The following CSMD3 variants were observed in gnomAD, a reference collection of about 807,000 sequenced individuals.
The protein encoded by CSMD3 is CUB and sushi domain-containing protein 3.
Under a neutral mutation model 435.2 loss-of-function variants are expected in CSMD3, and 177 were observed. The observed-to-expected ratio is 0.41, with a 90% CI of 0.36 to 0.46. CSMD3 has a LOEUF of 0.46. Among genes scored for constraint, CSMD3 ranks in the 20% least tolerant of loss-of-function variants. The pLI, the probability that CSMD3 is intolerant of heterozygous loss-of-function variation, is 0.34. For missense variants in CSMD3, 4,265 were observed against 4,504.6 expected, an observed-to-expected ratio of 0.95 and a Z score of 1.52; for synonymous variants, 1,656 against 1,520.5, an observed-to-expected ratio of 1.09 and a Z score of -2.07.
chr8:112,559,365 G>A (rs1409799197), intron 24 of CSMD3, among the ~76,000 whole-genome samples: 1 of 151,832 alleles, frequency 6.6e-6, no homozygotes, highest in Non-Finnish European at 1.5e-5. Flanking sequence ...AATCTCCAAG[G>A]AGCATAGGTT....
chr8:113,177,601 AT>A (rs2092365397), intron 3 of CSMD3, among the ~76,000 whole-genome samples: 1 of 151,950 alleles, frequency 6.6e-6, no homozygotes, highest in South Asian at 2.1e-4. Flanking sequence ...CAATTACACA[AT>A]ATTCTTGGTT....
At chr8:112,726,018 A>G (rs1263407608) in intron 13 of CSMD3, among the ~76,000 whole-genome samples, 1 of 151,986 alleles carries the variant, frequency 6.6e-6, no homozygotes, top group Non-Finnish European at 1.5e-5. Flanking sequence ...ATTATGGCGG[A>G]AGGCAAAAGG....
intron 13 of CSMD3, among the ~76,000 whole-genome samples, chr8:112,755,104 G>A (rs1235142304): frequency 1.3e-5 from 2 of 152,026 alleles, no homozygotes; most frequent in Non-Finnish European, 2.9e-5. Context: ...GGCTGAGGCA[G>A]GCGGATCACG....
intron 5 of CSMD3, among the ~76,000 whole-genome samples, chr8:113,058,900 T>C (rs1210647664): frequency 1.3e-5 from 2 of 152,038 alleles, no homozygotes; most frequent in Non-Finnish European, 2.9e-5. Flanking sequence ...AAAAGAAGTA[T>C]ACTGGAGATA....
At chr8:112,238,005 T>C (rs1266170492) in intron 66 of CSMD3, among the ~76,000 whole-genome samples, 2 of 152,066 alleles carry the variant, frequency 1.3e-5, no homozygotes, top group African/African-American at 4.8e-5. Flanking sequence ...CTAAAGCTTA[T>C]AAAATTTTCA....
intron 45 of CSMD3, among the ~76,000 whole-genome samples, chr8:112,332,422 T>C (rs979661333): frequency 5.3e-5 from 8 of 152,100 alleles, no homozygotes; most frequent in Non-Finnish European, 1.0e-4. Context: ...CAGGAGGCAG[T>C]GAGAAAACCA....
chr8:112,822,458 A>G lies in CSMD3; in HGVS notation c.1859+7228T>C, dbSNP rs555836573. On this transcript the variant is annotated intron_variant, in intron 12 of 70. Transcript: ENST00000297405. ...TCATCATTTGGCTGTCTGCTTGTCT[A>G]TTGTTGGCGTATAGGATTTTTTGTG... Among the ~76,000 whole-genome samples, 12 of 151,834 alleles carry G rather than the reference A, an allele frequency of 7.9e-5. No individual in the cohort carries two copies. In the South Asian group the frequency reaches 2.5e-3, roughly 32 times the overall value.
intron 32 of CSMD3, among the ~76,000 whole-genome samples, chr8:112,445,411 T>C (rs1481412485): frequency 2.6e-5 from 4 of 152,168 alleles, no homozygotes; most frequent in African/African-American, 7.2e-5. Flanking sequence ...CGCTGGCATC[T>C]GCTTCTGGTG....
chr8:112,330,851 A>G (rs954998712), intron 45 of CSMD3, among the ~76,000 whole-genome samples: 4 of 152,208 alleles, frequency 2.6e-5, no homozygotes, highest in Non-Finnish European at 5.9e-5. Context: ...CTGGCACTTA[A>G]TAAGAATACA....
chr8:112,705,503 T>G (rs952452828), intron 13 of CSMD3, among the ~76,000 whole-genome samples: 1 of 152,086 alleles, frequency 6.6e-6, no homozygotes, highest in Non-Finnish European at 1.5e-5. Context: ...AGGACTCTCA[T>G]GTACATTTAA....
chr8:112,605,323 T>G (rs1366241861), intron 22 of CSMD3, among the ~76,000 whole-genome samples: 1 of 152,176 alleles, frequency 6.6e-6, no homozygotes, highest in Non-Finnish European at 1.5e-5. Flanking sequence ...TAAAGTCACA[T>G]GCATACATAT....
intron 3 of CSMD3, among the ~76,000 whole-genome samples, chr8:113,205,385 C>T (rs2092759607): frequency 6.6e-6 from 1 of 152,140 alleles, no homozygotes; most frequent in South Asian, 2.1e-4. Flanking sequence ...CCCACTGGGT[C>T]CCTCCTACAA....
At chr8:112,816,864 G>C (rs1031218817) in intron 12 of CSMD3, among the ~76,000 whole-genome samples, 1 of 151,592 alleles carries the variant, frequency 6.6e-6, no homozygotes, top group Non-Finnish European at 1.5e-5. Flanking sequence ...ACCCAGAAGT[G>C]TGTGTGTGTT....
At chr8:112,445,605 G>T (rs1815514649) in intron 32 of CSMD3, among the ~76,000 whole-genome samples, 1 of 152,082 alleles carries the variant, frequency 6.6e-6, no homozygotes, top group African/African-American at 2.4e-5. Context: ...ATTTATAAGG[G>T]ATCTGCTTCC....
rs2093225855 is a variant in CSMD3 at position 113,242,144 on chromosome 8, T to C, written c.514+36448A>G. Among the ~76,000 whole-genome samples the C allele has an allele frequency of 2.6e-5, 4 of 151,768 alleles. No individual in the cohort carries two copies. The South Asian group carries it at 8.3e-4, about 31-fold the overall frequency. Reference sequence around the variant, plus strand: ...TTTAATAAGGAACAATTATGAAAACTAAATGATGAATGCCAATAAAACAAA... The same window carrying C: ...TTTAATAAGGAACAATTATGAAAACCAAATGATGAATGCCAATAAAACAAA... On this transcript the variant is annotated intron_variant, in intron 3 of 70. Coordinates refer to ENST00000297405, the MANE Select transcript of CSMD3 (RefSeq NM_198123.2).
chr8:113,410,866 C>T (rs1432442607), intron 1 of CSMD3, among the ~76,000 whole-genome samples: 2 of 140,056 alleles, frequency 1.4e-5, no homozygotes. Context: ...GATCATGCTA[C>T]TGTACTCCAG....
intron 3 of CSMD3, among the ~76,000 whole-genome samples, chr8:113,215,422 G>A (rs578201972): frequency 1.3e-5 from 2 of 151,962 alleles, no homozygotes; most frequent in African/African-American, 4.8e-5. Flanking sequence ...TTAGGCTGGT[G>A]GACCATTGGT....
chr8:112,556,915 T>G lies in CSMD3; in HGVS notation c.4082A>C (p.Gln1361Pro). ...LSHCEDPGIP[Q>P]FGYKISDQGH... ...TTGGTCACTGATCTTGTATCCAAAT[T>G]GTGGAATGCCAGGATCTTCACAGTG... The change falls in exon 25 of 71, where the codon CAA (glutamine) becomes CCA (proline). Residue 1361 changes from glutamine to proline, a missense_variant. By Grantham distance (76) the Gln-to-Pro change is moderately conservative. Coordinates refer to ENST00000297405, the MANE Select transcript of CSMD3 (RefSeq NM_198123.2). The G allele has an allele frequency of 1.2e-6, 2 of 1,612,332 alleles. No homozygotes were observed. The highest frequency in any genetic ancestry group is 8.5e-7 in the Non-Finnish European group (1 of 1,178,952).
chr8:113,169,210 G>A (rs560734316), intron 4 of CSMD3, among the ~76,000 whole-genome samples: 5 of 152,228 alleles, frequency 3.3e-5, no homozygotes, highest in African/African-American at 1.2e-4. Context: ...ACACATTGTG[G>A]AAAACAGTCT....
Sources: allele counts gnomAD v4.1 joint callset (sites outside exome capture counted in the v4.1 genomes callset), GRCh38; gene constraint gnomAD v4.1.1; transcripts MANE v1.5; gene names NCBI Gene and HGNC (gene_info 2026-07-23, HGNC 2026-07-21).